Variants in FGF14 observed in about 807,000 individuals in gnomAD.
FGF14 encodes fibroblast growth factor 14.
A neutral mutation model predicts 25.5 loss-of-function variants in FGF14; 5 were observed. The observed-to-expected ratio is 0.20, with a 90% CI of 0.10 to 0.41. FGF14 has a LOEUF of 0.41. Ranked by LOEUF, FGF14 falls within the 10% of genes least tolerant of loss-of-function variation. The pLI is 1.00. For missense variants in FGF14, 222 were observed against 320.1 expected (o/e 0.69, Z 2.34); for synonymous variants, 138 against 118.3 (o/e 1.17, Z -1.08).
chr13:102,303,602 T>A (rs1283842482), intron 1 of FGF14, among the ~76,000 whole-genome samples: 2 of 152,284 alleles, frequency 1.3e-5, no homozygotes, highest in East Asian at 3.9e-4. Flanking sequence ...AACTCCAATT[T>A]TACAAATAAG....
intron 1 of FGF14, among the ~76,000 whole-genome samples, chr13:102,168,866 C>T (rs753205658): frequency 1.4e-4 from 21 of 152,016 alleles, no homozygotes; most frequent in Non-Finnish European, 2.5e-4. Flanking sequence ...TGAAGATCTG[C>T]CTTGTGGCAA....
intron 1 of FGF14, among the ~76,000 whole-genome samples, chr13:102,151,009 G>T (rs2047060040): frequency 6.6e-6 from 1 of 152,206 alleles, no homozygotes; most frequent in African/African-American, 2.4e-5. Flanking sequence ...AGATAATGGG[G>T]TTATGAAGAT....
intron 1 of FGF14, among the ~76,000 whole-genome samples, chr13:102,269,024 A>C (rs1203346155): frequency 6.6e-6 from 1 of 152,192 alleles, no homozygotes; most frequent in Non-Finnish European, 1.5e-5. Flanking sequence ...TTCTTACTAA[A>C]TGGTGAAGTA....
At chr13:102,278,181 C>T (rs780292147) in intron 1 of FGF14, among the ~76,000 whole-genome samples, 4 of 152,116 alleles carry the variant, frequency 2.6e-5, no homozygotes, top group Non-Finnish European at 5.9e-5. Flanking sequence ...ATCCATAGCC[C>T]ATTAAAAGAG....
chr13:101,783,865 G>A (rs1052145912), intron 3 of FGF14, among the ~76,000 whole-genome samples: 5 of 152,162 alleles, frequency 3.3e-5, no homozygotes, highest in Non-Finnish European at 5.9e-5. Context: ...TATGGTGCAA[G>A]AAAAGGGCCC....
intron 1 of FGF14, among the ~76,000 whole-genome samples, chr13:102,007,315 C>T (rs1276537201): frequency 6.6e-6 from 1 of 152,090 alleles, no homozygotes; most frequent in Admixed American, 6.5e-5. Context: ...GAATATAATG[C>T]TTTATGTATA....
intron 1 of FGF14, among the ~76,000 whole-genome samples, chr13:101,926,897 G>A (rs1223165105): frequency 6.6e-6 from 1 of 152,186 alleles, no homozygotes; most frequent in African/African-American, 2.4e-5. Context: ...AAATGGAAAG[G>A]TGCCATTTAT....
chr13:101,813,781 G>A (rs1343242610), intron 3 of FGF14, among the ~76,000 whole-genome samples: 1 of 152,198 alleles, frequency 6.6e-6, no homozygotes, highest in Non-Finnish European at 1.5e-5. Flanking sequence ...ACCTCTAATG[G>A]AAGTTAATGT....
intron 1 of FGF14, among the ~76,000 whole-genome samples, chr13:102,328,952 G>T (rs1171356352): frequency 6.6e-6 from 1 of 152,044 alleles, no homozygotes; most frequent in African/African-American, 2.4e-5. Context: ...CCACCATAAT[G>T]TCCCTAGGCC....
intron 1 of FGF14, among the ~76,000 whole-genome samples, chr13:102,319,564 C>A (rs963603172): frequency 1.3e-5 from 2 of 152,220 alleles, no homozygotes; most frequent in Non-Finnish European, 2.9e-5. Context: ...CAATTGCATA[C>A]AATAACAACT....
At chr13:102,096,206 T>C (rs777430405) in intron 1 of FGF14, among the ~76,000 whole-genome samples, 3 of 151,976 alleles carry the variant, frequency 2.0e-5, no homozygotes, top group Non-Finnish European at 4.4e-5. Flanking sequence ...CAATAAGTTA[T>C]AGAGTGAGGA....
At chr13:102,386,095 G>A (rs1367322840) in intron 1 of FGF14, among the ~76,000 whole-genome samples, 1 of 151,558 alleles carries the variant, frequency 6.6e-6, no homozygotes, top group Non-Finnish European at 1.5e-5. Flanking sequence ...TTCTAAAGGG[G>A]AGGGAGATAA....
chr13:102,224,692 C>T (rs2140969652), intron 1 of FGF14, among the ~76,000 whole-genome samples: 1 of 152,298 alleles, frequency 6.6e-6, no homozygotes, highest in South Asian at 2.1e-4. Flanking sequence ...ATCCTCATGT[C>T]TCTGAGCCTA....
At chr13:102,028,046 T>G (rs1253111133) in intron 1 of FGF14, among the ~76,000 whole-genome samples, 1 of 152,062 alleles carries the variant, frequency 6.6e-6, no homozygotes, top group East Asian at 1.9e-4. Flanking sequence ...TAAATCTCTC[T>G]GCTGTCTGTT....
chr13:102,286,505 T>C (rs1323184738), intron 1 of FGF14, among the ~76,000 whole-genome samples: 6 of 152,236 alleles, frequency 3.9e-5, no homozygotes, highest in East Asian at 1.9e-4. Flanking sequence ...CCAATGACCA[T>C]GTAGTATTAC....
chr13:102,324,525 G>A (rs1377169258), intron 1 of FGF14, among the ~76,000 whole-genome samples: 1 of 152,122 alleles, frequency 6.6e-6, no homozygotes, highest in East Asian at 1.9e-4. Context: ...ACCCCTTGTG[G>A]AGCTTTAATG....
At chr13:102,086,233 T>C (rs1178431538) in intron 1 of FGF14, among the ~76,000 whole-genome samples, 3 of 152,172 alleles carry the variant, frequency 2.0e-5, no homozygotes, top group Admixed American at 2.0e-4. Context: ...ATATATGCCC[T>C]TGGGGTTAAG....
intron 1 of FGF14, among the ~76,000 whole-genome samples, chr13:102,203,598 TTTA>T (rs1216794235): frequency 6.6e-6 from 1 of 152,190 alleles, no homozygotes; most frequent in Non-Finnish European, 1.5e-5. Flanking sequence ...TTAATTATGT[TTTA>T]TTATTTTTAA....
At chr13:101,999,973 T>C (rs2039393404) in intron 1 of FGF14, among the ~76,000 whole-genome samples, 2 of 152,198 alleles carry the variant, frequency 1.3e-5, no homozygotes, top group African/African-American at 2.4e-5. Context: ...GGGACTTTTC[T>C]AAATACATGA....
Sources: allele counts gnomAD v4.1 joint callset (sites outside exome capture counted in the v4.1 genomes callset), GRCh38; gene constraint gnomAD v4.1.1; transcripts MANE v1.5; gene names NCBI Gene and HGNC (gene_info 2026-07-23, HGNC 2026-07-21).